Variants in MIPEP observed in about 807,000 individuals in gnomAD.
The protein encoded by MIPEP is mitochondrial intermediate peptidase.
MIPEP carries 79 observed loss-of-function variants against 90.3 expected under a neutral mutation model. That is an observed-to-expected ratio of 0.87 (90% CI 0.73 to 1.05). The LOEUF (loss-of-function observed/expected upper bound fraction) is 1.05, where lower values mean the gene tolerates loss of function less well. Among genes scored for constraint, MIPEP ranks in the 50% least tolerant of loss-of-function variants. MIPEP has a pLI of 0.00. For synonymous variants in MIPEP, 334 were observed against 315.8 expected (o/e 1.06, Z -0.61); for missense variants, 940 against 905.6 (o/e 1.04, Z -0.49).
At chr13:23,799,808 C>T (rs1032411366) in intron 16 of MIPEP, among the ~76,000 whole-genome samples, 1 of 152,128 alleles carries the variant, frequency 6.6e-6, no homozygotes, top group Non-Finnish European at 1.5e-5. Context: ...TCCTTCAGTC[C>T]CAGTAACTGC....
At chr13:23,765,308 A>G (rs1373044184) in intron 16 of MIPEP, among the ~76,000 whole-genome samples, 3 of 152,200 alleles carry the variant, frequency 2.0e-5, no homozygotes, top group Non-Finnish European at 2.9e-5. Flanking sequence ...TCAGTTACCT[A>G]TGGTCAACTT....
chr13:23,873,584 A>T (rs1015582714), intron 5 of MIPEP, among the ~76,000 whole-genome samples: 2 of 152,224 alleles, frequency 1.3e-5, no homozygotes, highest in Non-Finnish European at 2.9e-5. Context: ...GTTGATGTTA[A>T]ATCACTGTTA....
At chr13:23,858,470 CAAAA>C (rs1178186750) in intron 10 of MIPEP, among the ~76,000 whole-genome samples, 2 of 48,944 alleles carry the variant, frequency 4.1e-5, no homozygotes, top group African/African-American at 7.3e-5. Flanking sequence ...GACTCCGCCT[CAAAA>C]AAAAAAAAAA....
chr13:23,800,416 AAAAAACAC>A (rs1339057801), intron 16 of MIPEP, among the ~76,000 whole-genome samples: 1 of 152,254 alleles, frequency 6.6e-6, no homozygotes, highest in Non-Finnish European at 1.5e-5. Context: ...TCATGAATAT[AAAAAACAC>A]AACAACACAA....
chr13:23,821,718 T>A (rs1953307318), intron 14 of MIPEP, among the ~76,000 whole-genome samples: 1 of 152,222 alleles, frequency 6.6e-6, no homozygotes, highest in Non-Finnish European at 1.5e-5. Context: ...GTCCCTGGTA[T>A]AAAATAGTAT....
rs745662425 is a variant in MIPEP at position 23,841,382 on chromosome 13, C to T, written c.1213G>A (p.Glu405Lys). 5.6e-6 allele frequency: 9 copies of T among 1,613,960 alleles called. No individual in the cohort carries two copies. Among genetic ancestry groups the T allele is most frequent in the South Asian group, 4.4e-5 (4 of 91,052 alleles). ...CACACCTCTCCTTTTGCAGGCTGCT[C>T]TGCATATAATGAAATCCCCAACAGT... ...NRLLGISLYA[E>K]QPAKGEVWSE... Residue 405 changes from glutamate to lysine, a missense_variant, in exon 11 of 19, where the codon GAG (glutamate) becomes AAG (lysine). Transcript: ENST00000382172.
At chr13:23,861,946 G>A (rs995364597) in intron 9 of MIPEP, among the ~76,000 whole-genome samples, 3 of 152,156 alleles carry the variant, frequency 2.0e-5, no homozygotes, top group Non-Finnish European at 4.4e-5. Context: ...TAACACTGAT[G>A]GTTAAAATTG....
At chr13:23,765,735 A>C (rs1952586158) in intron 16 of MIPEP, among the ~76,000 whole-genome samples, 1 of 152,232 alleles carries the variant, frequency 6.6e-6, no homozygotes, top group African/African-American at 2.4e-5. Context: ...ACAGATGGAC[A>C]CCATGGGATT....
At chr13:23,817,706 T>C (rs1367906888) in intron 14 of MIPEP, among the ~76,000 whole-genome samples, 5 of 152,180 alleles carry the variant, frequency 3.3e-5, no homozygotes, top group Non-Finnish European at 7.4e-5. Flanking sequence ...GTCGGGCTTG[T>C]TGATTCAATT....
chr13:23,839,421 ATAAT>A (rs369277076), intron 12 of MIPEP, among the ~76,000 whole-genome samples: 9 of 152,216 alleles, frequency 5.9e-5, no homozygotes, highest in African/African-American at 2.2e-4. Flanking sequence ...CATTGTTACT[ATAAT>A]TAATACCATG....
intron 16 of MIPEP, among the ~76,000 whole-genome samples, chr13:23,786,524 C>T (rs770365392): frequency 5.3e-5 from 8 of 151,514 alleles, no homozygotes; most frequent in Admixed American, 1.3e-4. Flanking sequence ...AGGGGAAATA[C>T]GTATATCAAG....
At chr13:23,784,448 A>C (rs1952813622) in intron 16 of MIPEP, among the ~76,000 whole-genome samples, 1 of 152,230 alleles carries the variant, frequency 6.6e-6, no homozygotes, top group African/African-American at 2.4e-5. Context: ...TAGAAAGCTG[A>C]AACTGGATCC....
chr13:23,775,135 G>A (rs28592282), intron 16 of MIPEP, among the ~76,000 whole-genome samples: 70,703 of 150,172 alleles, frequency 0.47, 16,975 homozygotes, highest in Non-Finnish European at 0.52. Context: ...GTGTGTGTGT[G>A]TGTGTGTGTG....
rs765285559 is a variant in MIPEP, at chr13:23,760,190, C to T, written c.1876G>A (p.Val626Met). 78 of 1,613,960 alleles carry T rather than the reference C, an allele frequency of 4.8e-5. No homozygotes were observed. The highest frequency in any genetic ancestry group is 5.3e-5 in the African/African-American group (4 of 74,904). ...TAWQLRFSHL[V>M]GYGARYYSYL... ...GAGTAATATCTAGCACCATACCCCA[C>T]GAGGTGGCTGAATCGCAGCTGCCAG... is the stretch of plus-strand genomic sequence containing the variant. Residue 626 changes from valine (V) to methionine (M), a missense_variant, in exon 17 of 19, where the codon GTG becomes ATG. Transcript: ENST00000382172.
chr13:23,835,459 C>A (rs917206750), intron 14 of MIPEP, among the ~76,000 whole-genome samples: 1 of 152,016 alleles, frequency 6.6e-6, no homozygotes, highest in Non-Finnish European at 1.5e-5. Context: ...TTCTATTCGT[C>A]CCCTCATTTA....
intron 16 of MIPEP, among the ~76,000 whole-genome samples, chr13:23,769,722 G>A (rs1952629656): frequency 6.6e-6 from 1 of 152,158 alleles, no homozygotes; most frequent in African/African-American, 2.4e-5. Flanking sequence ...AAAAAGGAGA[G>A]GGACAAATGG....
intron 5 of MIPEP, among the ~76,000 whole-genome samples, chr13:23,874,422 T>C (rs1870968064): frequency 6.6e-6 from 1 of 151,780 alleles, no homozygotes; most frequent in Non-Finnish European, 1.5e-5. Context: ...TCCATCCCAG[T>C]GTAAACACTG....
chr13:23,762,607 T>C (rs1455815521), intron 16 of MIPEP, among the ~76,000 whole-genome samples: 1 of 152,174 alleles, frequency 6.6e-6, no homozygotes, highest in Admixed American at 6.5e-5. Context: ...GTGGGCGCCT[T>C]GTGAGTGGTG....
intron 10 of MIPEP, among the ~76,000 whole-genome samples, chr13:23,849,656 G>A (rs892884532): frequency 6.6e-6 from 1 of 152,152 alleles, no homozygotes; most frequent in African/African-American, 2.4e-5. Flanking sequence ...TTTAAATTAA[G>A]AACAATAGAA....
Sources: gnomAD v4.1 joint callset for allele counts (sites outside exome capture counted in the v4.1 genomes callset) on GRCh38, gnomAD v4.1.1 for gene constraint, MANE v1.5 for transcripts, NCBI Gene and HGNC (gene_info 2026-07-23, HGNC 2026-07-21) for gene names.